Variants in DYM observed in about 807,000 individuals in gnomAD.
DYM encodes dymeclin, also known as dyggve-Melchior-Clausen syndrome protein.
Under a neutral mutation model 93.1 loss-of-function variants are expected in DYM, and 78 were observed. The ratio of observed to expected loss-of-function variants is 0.84; its 90% CI spans 0.70 to 1.01. The LOEUF (loss-of-function observed/expected upper bound fraction) is 1.01. Among genes scored for constraint, DYM ranks in the 50% least tolerant of loss-of-function variants. DYM has a pLI of 0.00. For synonymous variants in DYM, 321 were observed against 319.7 expected (o/e 1.00, Z -0.04); for missense variants, 789 against 845.0 (o/e 0.93, Z 0.82).
intron 6 of DYM, among the ~76,000 whole-genome samples, chr18:49,334,330 T>G (rs1422954898): frequency 6.6e-6 from 1 of 152,226 alleles, no homozygotes; most frequent in Non-Finnish European, 1.5e-5. Context: ...GTGTCTCTAG[T>G]GCCTACCTTT....
At chr18:49,196,961 G>A (rs1184891504) in intron 14 of DYM, among the ~76,000 whole-genome samples, 2 of 152,154 alleles carry the variant, frequency 1.3e-5, no homozygotes, top group African/African-American at 4.8e-5. Context: ...TTTATATTTT[G>A]GATAGAGAAC....
intron 17 of DYM, among the ~76,000 whole-genome samples, chr18:49,044,906 A>G (rs1462294649): frequency 6.6e-6 from 1 of 152,246 alleles, no homozygotes; most frequent in African/African-American, 2.4e-5. Context: ...TCTGTTATGT[A>G]AGGAGTCGTG....
intron 1 of DYM, among the ~76,000 whole-genome samples, chr18:49,439,376 C>T (rs928899102): frequency 9.2e-5 from 14 of 152,106 alleles, no homozygotes; most frequent in African/African-American, 3.4e-4. Flanking sequence ...ATCATTCCTC[C>T]CTGTTACCCC....
intron 2 of DYM, chr18:49,413,217 C>G (rs1258301746): frequency 6.6e-6 from 1 of 152,190 alleles, no homozygotes; most frequent in Non-Finnish European, 1.5e-5. Flanking sequence ...GACAAATAAA[C>G]CTGGTTTAAA....
intron 17 of DYM, among the ~76,000 whole-genome samples, chr18:49,080,593 A>AC (rs1248840099): frequency 1.4e-4 from 14 of 97,364 alleles, no homozygotes; most frequent in African/African-American, 4.3e-4. Flanking sequence ...GCGGGGGCTG[A>AC]CCCCCCCACC....
intron 14 of DYM, among the ~76,000 whole-genome samples, chr18:49,190,329 A>T (rs1018317857): frequency 6.6e-6 from 1 of 152,218 alleles, no homozygotes; most frequent in Non-Finnish European, 1.5e-5. Context: ...AAAGACTGAA[A>T]TATCATTGTA....
At chr18:49,317,596 TCCCCCCTCCCCCCTCC>T (rs1247707076) in intron 8 of DYM, among the ~76,000 whole-genome samples, 12 of 31,142 alleles carry the variant, frequency 3.9e-4, no homozygotes, top group East Asian at 1.5e-3. Flanking sequence ...TCTCTCTCTC[TCCCCCCTCCCCCCTCC>T]CTCCCTCCCT....
intron 8 of DYM, among the ~76,000 whole-genome samples, chr18:49,326,145 T>C (rs993174973): frequency 3.3e-5 from 5 of 152,178 alleles, no homozygotes; most frequent in African/African-American, 1.2e-4. Context: ...CTACAACACA[T>C]ATTTTTTTTT....
At chr18:49,046,235 AAC>A (rs2071508521) in intron 17 of DYM, among the ~76,000 whole-genome samples, 2 of 146,746 alleles carry the variant, frequency 1.4e-5, no homozygotes, top group Non-Finnish European at 3.0e-5. Flanking sequence ...ACATAACACA[AAC>A]ACAACACAAA....
At chr18:49,382,021 G>A (rs1292205575) in intron 3 of DYM, among the ~76,000 whole-genome samples, 1 of 151,990 alleles carries the variant, frequency 6.6e-6, no homozygotes, top group African/African-American at 2.4e-5. Context: ...TAAGCTGAGG[G>A]TAACATGACT....
intron 17 of DYM, among the ~76,000 whole-genome samples, chr18:49,045,441 G>T (rs919398238): frequency 5.3e-5 from 8 of 152,208 alleles, no homozygotes; most frequent in African/African-American, 1.9e-4. Flanking sequence ...TAGATGCTTT[G>T]TATGTATTAT....
chr18:49,440,348 A>AATATAGT lies in DYM; in HGVS notation c.-53-9908_-53-9902dup, dbSNP rs1381837339. Reference sequence around the variant, plus strand: ...ACATATACTATTATATATGATATATAATATAGTATATGATATATAATATAG... The same window carrying AATATAGT: ...ACATATACTATTATATATGATATATAATATAGTATATAGTATATGATATATAATATAG... On this transcript the variant is annotated intron_variant, in intron 1 of 17. Transcript: ENST00000675505. Among the ~76,000 whole-genome samples, 8 of 130,126 alleles carry AATATAGT rather than the reference A, an allele frequency of 6.1e-5. 1 individual carries two copies. Among genetic ancestry groups the AATATAGT allele is most frequent in the Non-Finnish European group, 1.1e-4 (7 of 62,698 alleles). 85.4% of individuals were successfully genotyped at this position (130,126 alleles called of 152,430 possible).
At chr18:49,423,981 G>A (rs1326913848) in intron 2 of DYM, among the ~76,000 whole-genome samples, 1 of 152,136 alleles carries the variant, frequency 6.6e-6, no homozygotes, top group African/African-American at 2.4e-5. Flanking sequence ...AAGAGGAGCT[G>A]GTACCATTCC....
chr18:49,420,379 G>C (rs751944431), intron 2 of DYM, among the ~76,000 whole-genome samples: 5 of 151,966 alleles, frequency 3.3e-5, no homozygotes, highest in Non-Finnish European at 7.4e-5. Context: ...ACGTTGACCA[G>C]GCTGGTCTTG....
intron 13 of DYM, among the ~76,000 whole-genome samples, chr18:49,218,681 GAA>G (rs2093199814): frequency 1.3e-5 from 2 of 151,998 alleles, no homozygotes; most frequent in South Asian, 4.2e-4. Flanking sequence ...AATGAAGGCA[GAA>G]AAAAAGATGT....
chr18:49,236,861 C>G (rs1598826005), intron 13 of DYM, among the ~76,000 whole-genome samples: 1 of 152,296 alleles, frequency 6.6e-6, no homozygotes, highest in African/African-American at 2.4e-5. Context: ...TATAACTTAG[C>G]AAGGTGAACC....
At chr18:49,267,048 GA>G (rs1416162602) in intron 11 of DYM, among the ~76,000 whole-genome samples, 2 of 151,832 alleles carry the variant, frequency 1.3e-5, no homozygotes, top group African/African-American at 2.4e-5. Flanking sequence ...AAAAATGGAG[GA>G]AAAACAATCA....
chr18:49,047,859 C>T lies in DYM; in HGVS notation c.2026-3655G>A, dbSNP rs192422628. On this transcript the variant is annotated intron_variant, in intron 17 of 17. Transcript: ENST00000675505. ...GAGGGGGGCAACAAGTAGCTCCCAC[C>T]GACCCGCGCTCCCCATACATCATGC... Among the ~76,000 whole-genome samples, 281 of 152,226 alleles carry T rather than the reference C, an allele frequency of 1.8e-3. 3 individuals are homozygous for T. Among genetic ancestry groups the T allele is most frequent in the Middle Eastern group, 0.017 (5 of 294 alleles).
rs938692370 is a variant in DYM at position 49,038,447 on chromosome 18, C to A, written c.*5608G>T. On this transcript the variant is annotated 3_prime_UTR_variant, in exon 18 of 18. Coordinates refer to ENST00000675505, the MANE Select transcript of DYM (RefSeq NM_001353214.3). Reference sequence around the variant, plus strand: ...CTTTTATTTCTTAAAAAAATTATTGCCTTAAAGTTTACTTAAATATATCTA... The same window carrying A: ...CTTTTATTTCTTAAAAAAATTATTGACTTAAAGTTTACTTAAATATATCTA... Among the ~76,000 whole-genome samples, 4 of 151,830 alleles carry A rather than the reference C, an allele frequency of 2.6e-5. No individual in the cohort carries two copies. Among genetic ancestry groups the A allele is most frequent in the Non-Finnish European group, 5.9e-5 (4 of 67,956 alleles).
Sources: allele counts gnomAD v4.1 joint callset (sites outside exome capture counted in the v4.1 genomes callset), GRCh38; gene constraint gnomAD v4.1.1; transcripts MANE v1.5; gene names NCBI Gene and HGNC (gene_info 2026-07-23, HGNC 2026-07-21).